Variants in FAM227B observed in about 807,000 individuals in gnomAD.
The protein encoded by FAM227B is family with sequence similarity 227 member B, also known as protein FAM227B.
A neutral mutation model predicts 73.8 loss-of-function variants in FAM227B; 88 were observed. The observed-to-expected ratio is 1.19, with a 90% CI of 1.00 to 1.42. FAM227B has a LOEUF of 1.42. Ranked by LOEUF, FAM227B falls within the 40% of genes most tolerant of loss-of-function variation. The pLI is 0.00. For missense variants in FAM227B, 632 were observed against 590.9 expected, an observed-to-expected ratio of 1.07 and a Z score of -0.72; for synonymous variants, 210 against 190.5, an observed-to-expected ratio of 1.10 and a Z score of -0.84.
intron 9 of FAM227B, among the ~76,000 whole-genome samples, chr15:49,546,688 T>C (rs2071945791): frequency 6.6e-6 from 1 of 152,184 alleles, no homozygotes. Context: ...GTGGTTTTGA[T>C]TTGCATTTCT....
At chr15:49,597,205 T>C (rs1396466301) in intron 3 of FAM227B, among the ~76,000 whole-genome samples, 3 of 152,120 alleles carry the variant, frequency 2.0e-5, no homozygotes, top group East Asian at 1.9e-4. Context: ...TTCTCCAAGA[T>C]AGACCATGTG....
chr15:49,434,149 GT>G (rs1189005148), intron 11 of FAM227B, among the ~76,000 whole-genome samples: 1 of 151,590 alleles, frequency 6.6e-6, no homozygotes, highest in African/African-American at 2.4e-5. Flanking sequence ...GTCTCTAACT[GT>G]ACTTCTGACC....
intron 11 of FAM227B, chr15:49,424,899 C>T (rs1480917242): frequency 5.8e-6 from 1 of 173,280 alleles, no homozygotes; most frequent in Non-Finnish European, 1.2e-5. Flanking sequence ...TTAATATTGT[C>T]TAAGCAAAAC....
chr15:49,336,147 A>C (rs993325493), intron 13 of FAM227B, among the ~76,000 whole-genome samples: 1 of 152,214 alleles, frequency 6.6e-6, no homozygotes, highest in East Asian at 1.9e-4. Flanking sequence ...AGACTCTTTA[A>C]TTCTAAGAGG....
In FAM227B at chr15:49,371,037, A is replaced by G. The variant is rs184152665; in HGVS notation, c.1110+265T>C. On this transcript the variant is annotated intron_variant, in intron 12 of 15. Transcript: ENST00000299338. ...GGAGCCTTTGTATGTCAACCAAAGG[A>G]GAAACAGTGACAAGACATGTTGTGA... 3.5e-3 allele frequency among the ~76,000 whole-genome samples: 533 copies of G among 152,338 alleles called. 7 individuals carry two copies. Among genetic ancestry groups the G allele is most frequent in the African/African-American group, 0.012 (518 of 41,564 alleles).
At chr15:49,494,736 T>C (rs1266126027) in intron 11 of FAM227B, among the ~76,000 whole-genome samples, 1 of 152,190 alleles carries the variant, frequency 6.6e-6, no homozygotes, top group Non-Finnish European at 1.5e-5. Context: ...AGGAAAAGGA[T>C]ACTGTTTTGT....
intron 9 of FAM227B, 87 bp downstream of exon 9, chr15:49,568,158 T>G (rs2074806108): frequency 8.6e-7 from 1 of 1,169,534 alleles, no homozygotes; most frequent in South Asian, 1.4e-5. Flanking sequence ...CAAAATATAT[T>G]CTCATATGGG....
intron 11 of FAM227B, among the ~76,000 whole-genome samples, chr15:49,496,789 A>C (rs1418052495): frequency 6.6e-6 from 1 of 152,230 alleles, no homozygotes; most frequent in African/African-American, 2.4e-5. Context: ...AGCAGTATAT[A>C]TGGAATACAG....
chr15:49,588,931 A>G (rs2076359021), intron 4 of FAM227B, among the ~76,000 whole-genome samples: 1 of 152,006 alleles, frequency 6.6e-6, no homozygotes, highest in African/African-American at 2.4e-5. Flanking sequence ...TTAAATACCA[A>G]AATAACATAA....
chr15:49,331,782 G>C lies in FAM227B; in HGVS notation c.1417C>G (p.Leu473Val), dbSNP rs1169462058. The C allele has an allele frequency of 6.3e-6, 10 of 1,586,108 alleles. No individual in the cohort carries two copies. The highest frequency in any genetic ancestry group is 8.7e-6 in the Non-Finnish European group (10 of 1,154,702). Reference protein sequence around the residue: ...KQDFEKFLHKLRSEAEIEREC... With the variant: ...KQDFEKFLHKVRSEAEIEREC... ...TTATTTTCAGAAAGAAAACCTACCA[G>C]TTTATGTAGGAACTTCTCAAAGTCC... The change falls in exon 15 of 16, where the codon CTG (leucine) becomes GTG (valine). Residue 473 changes from leucine to valine, a missense_variant and splice_region_variant. By Grantham distance (32) the Leu-to-Val change is conservative. Coordinates refer to ENST00000299338, the MANE Select transcript of FAM227B (RefSeq NM_152647.3).
intron 11 of FAM227B, among the ~76,000 whole-genome samples, chr15:49,427,480 G>T (rs767862656): frequency 1.1e-4 from 16 of 151,886 alleles, no homozygotes; most frequent in Non-Finnish European, 1.5e-4. Flanking sequence ...TTTTCAACAG[G>T]TTGTCATGTC....
intron 11 of FAM227B, among the ~76,000 whole-genome samples, chr15:49,456,706 G>A (rs2053325834): frequency 6.6e-6 from 1 of 151,914 alleles, no homozygotes; most frequent in South Asian, 2.1e-4. Context: ...GTGAATTTCT[G>A]AAAAGAAAAA....
In FAM227B at chr15:49,331,625, T is replaced by TA. The variant is rs2151145887; in HGVS notation, c.1419+154dup. The TA allele has an allele frequency of 5.2e-6, 3 of 577,998 alleles. No individual in the cohort carries two copies. In the South Asian group the frequency reaches 7.3e-5, roughly 14 times the overall value. 35.8% of individuals were successfully genotyped at this position (577,998 alleles called of 1,614,324 possible). ...ACTAAATATGTAAAACAGATTTTCT[T>TA]ACATGTGCATGTAGATGATTAAGTA... On this transcript the variant is annotated intron_variant, in intron 15 of 15. Transcript: ENST00000299338.
intron 11 of FAM227B, among the ~76,000 whole-genome samples, chr15:49,496,477 C>A (rs190714604): frequency 2.6e-5 from 4 of 152,218 alleles, no homozygotes; most frequent in Admixed American, 2.6e-4. Context: ...AAATTTTAGT[C>A]TTGTAAATAA....
At chr15:49,556,525 C>A (rs1410912915) in intron 9 of FAM227B, among the ~76,000 whole-genome samples, 2 of 152,180 alleles carry the variant, frequency 1.3e-5, no homozygotes, top group Non-Finnish European at 2.9e-5. Flanking sequence ...CAGACAGGGG[C>A]CATTCTGTTG....
Position 49,577,751 on chromosome 15 carries a change from T to C in FAM227B, c.406-87A>G, listed in dbSNP as rs541084400. The C allele has an allele frequency of 7.7e-5, 52 of 673,216 alleles. No homozygotes were observed. In the African/African-American group the frequency reaches 8.2e-4, roughly 11 times the overall value. The allele number at this position is 673,216 out of a possible 1,614,324, so 41.7% of individuals were successfully genotyped here. On this transcript the variant is annotated intron_variant, in intron 5 of 15. Transcript: ENST00000299338. ...AATTTGTTCAGTTAACTAGTATGCA[T>C]AGATAACTATAGATATATGTATATA...
intron 11 of FAM227B, among the ~76,000 whole-genome samples, chr15:49,440,321 AT>A (rs1416058367): frequency 6.6e-6 from 1 of 151,736 alleles, no homozygotes; most frequent in Non-Finnish European, 1.5e-5. Context: ...CAAAAAGTTG[AT>A]ATATTTCTTA....
rs535578633 is a variant in FAM227B at position 49,585,798 on chromosome 15, T to A, written c.405+2218A>T. Among the ~76,000 whole-genome samples the A allele has an allele frequency of 2.6e-5, 4 of 152,212 alleles. No individual in the cohort carries two copies. The East Asian group carries it at 7.7e-4, about 29-fold the overall frequency. On this transcript the variant is annotated intron_variant, in intron 5 of 15. Coordinates refer to ENST00000299338, the MANE Select transcript of FAM227B (RefSeq NM_152647.3). Reference sequence around the variant, plus strand: ...CATGGCACATGTATACATATGTAACTAACCTGCACATTGTGCACATGTACC... The same window carrying A: ...CATGGCACATGTATACATATGTAACAAACCTGCACATTGTGCACATGTACC...
chr15:49,595,033 A>G (rs960766154), intron 3 of FAM227B, among the ~76,000 whole-genome samples: 3 of 152,040 alleles, frequency 2.0e-5, no homozygotes, highest in African/African-American at 7.2e-5. Context: ...CATTTTCACG[A>G]TATTGATTCT....
Sources: gnomAD v4.1 joint callset for allele counts (sites outside exome capture counted in the v4.1 genomes callset) on GRCh38, gnomAD v4.1.1 for gene constraint, MANE v1.5 for transcripts, NCBI Gene and HGNC (gene_info 2026-07-23, HGNC 2026-07-21) for gene names.